The following UNC13C variants were observed in gnomAD, a reference collection of about 807,000 sequenced individuals.
UNC13C encodes the protein unc-13 homolog C.
A neutral mutation model predicts 245.4 loss-of-function variants in UNC13C; 174 were observed. The ratio of observed to expected loss-of-function variants is 0.71; its 90% CI spans 0.63 to 0.80. The LOEUF is 0.80. Ranked by LOEUF, UNC13C falls within the 30% of genes least tolerant of loss-of-function variation. The probability of loss-of-function intolerance (pLI) is 0.00; values close to 1 mark genes in which losing one functional copy is unlikely to be tolerated. For synonymous variants in UNC13C, 992 were observed against 895.1 expected, an observed-to-expected ratio of 1.11 and a Z score of -1.93; for missense variants, 2,829 against 2,602.9, an observed-to-expected ratio of 1.09 and a Z score of -1.89.
At chr15:53,908,980 A>G in the UNC13C span, among the ~76,000 whole-genome samples, 2 of 146,386 alleles carry the variant, frequency 1.4e-5, no homozygotes, top group African/African-American at 2.4e-5. Flanking sequence ...ACACATTTGT[A>G]TATGTGGTTT....
chr15:53,944,929 A>T, the UNC13C span, among the ~76,000 whole-genome samples: 2 of 151,948 alleles, frequency 1.3e-5, no homozygotes, highest in African/African-American at 4.8e-5. Context: ...AGCATCTGTT[A>T]TTTTTTACTT....
At chr15:53,880,449 A>G in the UNC13C span, among the ~76,000 whole-genome samples, 6 of 152,226 alleles carry the variant, frequency 3.9e-5, no homozygotes, top group Non-Finnish European at 7.3e-5. Flanking sequence ...TGTCCGAACT[A>G]CACGTTTGGT....
chr15:53,948,697 A>G, the UNC13C span: 1 of 152,128 alleles, frequency 6.6e-6, no homozygotes, highest in South Asian at 2.1e-4. Context: ...TGAACTCTTA[A>G]ATTACAAAAA....
chr15:54,034,563 A>G (rs1454996654), intron 2 of UNC13C, among the ~76,000 whole-genome samples: 2 of 152,202 alleles, frequency 1.3e-5, no homozygotes. Context: ...AAAAGTCACT[A>G]TCTCCTTGAA....
chr15:54,237,772 C>T, intron 7 of UNC13C, 82 bp downstream of exon 7: 3 of 1,162,416 alleles, frequency 2.6e-6, no homozygotes, highest in East Asian at 5.1e-5. Flanking sequence ...TTGAGCTACT[C>T]ATCTGTGATG....
chr15:54,268,181 A>G (rs1253425375), intron 10 of UNC13C, among the ~76,000 whole-genome samples: 2 of 147,450 alleles, frequency 1.4e-5, no homozygotes, highest in East Asian at 4.0e-4. Flanking sequence ...TTCACTTTGG[A>G]TTGCTTCCAT....
At chr15:54,476,260 CCTGTTCACT>C in intron 19 of UNC13C, among the ~76,000 whole-genome samples, 1 of 142,974 alleles carries the variant, frequency 7.0e-6, no homozygotes, top group Non-Finnish European at 1.5e-5. Flanking sequence ...TTGTAGATTG[CCTGTTCACT>C]CTGATGGTAG....
At chr15:54,095,463 G>A (rs76788711) in intron 2 of UNC13C, among the ~76,000 whole-genome samples, 2,952 of 152,216 alleles carry the variant, frequency 0.019, 77 homozygotes, top group African/African-American at 0.064. Flanking sequence ...CCAAACTAAT[G>A]TTAAGCAACC....
At chr15:53,958,236 G>T in the UNC13C span, among the ~76,000 whole-genome samples, 1 of 152,108 alleles carries the variant, frequency 6.6e-6, no homozygotes, top group South Asian at 2.1e-4. Context: ...AGAACAAACC[G>T]AAATTTGGAC....
chr15:54,039,842 AGCCCCCCATCCTTT>A (rs1896739087), intron 2 of UNC13C, among the ~76,000 whole-genome samples: 1 of 145,472 alleles, frequency 6.9e-6, no homozygotes, highest in Non-Finnish European at 1.5e-5. Flanking sequence ...TTCCCTTTCC[AGCCCCCCATCCTTT>A]GCCTTCATCA....
At chr15:54,420,776 A>G (rs2040624941) in intron 19 of UNC13C, among the ~76,000 whole-genome samples, 1 of 152,002 alleles carries the variant, frequency 6.6e-6, no homozygotes, top group Non-Finnish European at 1.5e-5. Context: ...GAAATTTTAT[A>G]AAAATAAATT....
chr15:54,317,865 C>T (rs2038050203), intron 13 of UNC13C, among the ~76,000 whole-genome samples: 1 of 151,764 alleles, frequency 6.6e-6, no homozygotes, highest in Non-Finnish European at 1.5e-5. Flanking sequence ...ATGTTATATC[C>T]TTTGACCAGG....
At chr15:54,041,012 A>G (rs936386473) in intron 2 of UNC13C, among the ~76,000 whole-genome samples, 1 of 152,232 alleles carries the variant, frequency 6.6e-6, no homozygotes, top group Non-Finnish European at 1.5e-5. Context: ...AATTCACTGC[A>G]TAATTTATCC....
At chr15:54,579,925 C>A (rs1265158068) in intron 30 of UNC13C, among the ~76,000 whole-genome samples, 1 of 152,052 alleles carries the variant, frequency 6.6e-6, no homozygotes, top group African/African-American at 2.4e-5. Flanking sequence ...TGTGTAATAC[C>A]TTTTTGTTAG....
chr15:54,214,763 G>T (rs954048323), intron 4 of UNC13C, among the ~76,000 whole-genome samples: 2 of 151,902 alleles, frequency 1.3e-5, no homozygotes, highest in Non-Finnish European at 2.9e-5. Context: ...TAAAAACTAT[G>T]TGTAAATGGC....
the UNC13C span, among the ~76,000 whole-genome samples, chr15:53,935,899 T>C: frequency 2.6e-5 from 4 of 152,110 alleles, no homozygotes; most frequent in African/African-American, 9.7e-5. Flanking sequence ...GGGTGCAGGG[T>C]GGCCACTCCA....
At chr15:54,491,692 T>C (rs1427515625) in intron 19 of UNC13C, among the ~76,000 whole-genome samples, 1 of 152,152 alleles carries the variant, frequency 6.6e-6, no homozygotes, top group Non-Finnish European at 1.5e-5. Flanking sequence ...GCTTTCATTA[T>C]TTTCTGTTTT....
At chr15:54,387,667 T>G (rs1315839307) in intron 17 of UNC13C, among the ~76,000 whole-genome samples, 2 of 152,196 alleles carry the variant, frequency 1.3e-5, no homozygotes, top group Non-Finnish European at 2.9e-5. Flanking sequence ...CTCAGAATTA[T>G]GAATAGGTAA....
intron 2 of UNC13C, among the ~76,000 whole-genome samples, chr15:54,117,994 C>A (rs1042513126): frequency 5.3e-5 from 8 of 151,900 alleles, no homozygotes; most frequent in African/African-American, 1.7e-4. Flanking sequence ...CTCTTCTGTT[C>A]CTTTGGTCTG....
Sources: gnomAD v4.1 joint callset for allele counts (sites outside exome capture counted in the v4.1 genomes callset) on GRCh38, gnomAD v4.1.1 for gene constraint, MANE v1.5 for transcripts, NCBI Gene and HGNC (gene_info 2026-07-23, HGNC 2026-07-21) for gene names.